The following DLC1 variants were observed in gnomAD, a reference collection of about 807,000 sequenced individuals.
DLC1 encodes rho GTPase-activating protein 7.
In DLC1, 54 loss-of-function variants were observed where a neutral mutation model predicts 140.3. The observed-to-expected ratio is 0.38, with a 90% CI of 0.31 to 0.48. The LOEUF (loss-of-function observed/expected upper bound fraction) is 0.48. Ranked by LOEUF, DLC1 falls within the 20% of genes least tolerant of loss-of-function variation. The pLI is 0.96. For synonymous variants in DLC1, 986 were observed against 728.1 expected (o/e 1.35, Z -5.70); for missense variants, 2,536 against 1,907.0 (o/e 1.33, Z -6.14).
intron 1 of DLC1, among the ~76,000 whole-genome samples, chr8:13,545,754 A>G (rs1176864256): frequency 6.6e-6 from 1 of 152,156 alleles, no homozygotes; most frequent in African/African-American, 2.4e-5. Context: ...GTTGAAAAAA[A>G]CAAGACTTTC....
rs187157511 is a variant in DLC1 at position 13,567,647 on chromosome 8, A to C, written c.-126+36890T>G. On this transcript the variant is annotated intron_variant, in intron 1 of 1. Transcript: ENST00000631382. The stretch of plus-strand genomic sequence containing the variant: ...CTGTCTGCCTTTCTGAAACAAAAGA[A>C]GACTTTACTGGAGTCATTTCTACTC... 881 of 1,551,694 alleles carry C rather than the reference A, an allele frequency of 5.7e-4. 2 individuals carry two copies. The highest frequency in any genetic ancestry group is 1.5e-3 in the Middle Eastern group (9 of 5,992).
intron 2 of DLC1, among the ~76,000 whole-genome samples, chr8:13,448,334 A>G (rs981978088): frequency 6.6e-6 from 1 of 150,538 alleles, no homozygotes; most frequent in Non-Finnish European, 1.5e-5. Flanking sequence ...TCTTTGCTGT[A>G]TCTTTTAAAA....
intron 5 of DLC1, among the ~76,000 whole-genome samples, chr8:13,130,254 C>A (rs1002979636): frequency 3.3e-5 from 5 of 152,210 alleles, no homozygotes; most frequent in African/African-American, 1.2e-4. Context: ...TCTCACCAAG[C>A]CTCTGATTGG....
upstream of DLC1, among the ~76,000 whole-genome samples, chr8:13,515,849 G>A (rs768590820): frequency 1.6e-4 from 25 of 152,140 alleles, no homozygotes; most frequent in Non-Finnish European, 3.5e-4. Context: ...ATGTTAGCTC[G>A]TCTTATAATA....
At chr8:13,345,063 C>T (rs780923709) in intron 4 of DLC1, among the ~76,000 whole-genome samples, 14 of 151,916 alleles carry the variant, frequency 9.2e-5, no homozygotes, top group Non-Finnish European at 2.1e-4. Context: ...AGGGTGAGTC[C>T]CTTCCCTGGC....
chr8:13,199,420 G>A (rs538255685), intron 5 of DLC1, among the ~76,000 whole-genome samples: 9 of 151,978 alleles, frequency 5.9e-5, no homozygotes, highest in African/African-American at 2.2e-4. Flanking sequence ...CAGGCCTCAC[G>A]CAATCCTCCC....
At chr8:13,349,442 G>T (rs73203958) in intron 4 of DLC1, among the ~76,000 whole-genome samples, 5,344 of 152,200 alleles carry the variant, frequency 0.035, 140 homozygotes, top group South Asian at 0.097. Flanking sequence ...GGAAGCAAAG[G>T]TAACAGGAAG....
chr8:13,145,617 C>G (rs1391272928), intron 5 of DLC1, among the ~76,000 whole-genome samples: 1 of 152,104 alleles, frequency 6.6e-6, no homozygotes, highest in African/African-American at 2.4e-5. Flanking sequence ...TGGAAATAAT[C>G]CAAATGTCCA....
intron 1 of DLC1, among the ~76,000 whole-genome samples, chr8:13,574,627 G>C (rs9886568): frequency 0.15 from 23,001 of 151,950 alleles, 1,992 homozygotes; most frequent in African/African-American, 0.23. Context: ...ATACATAATA[G>C]AAATATTTAT....
chr8:13,109,441 C>T (rs886771569), intron 7 of DLC1, among the ~76,000 whole-genome samples: 6 of 152,026 alleles, frequency 3.9e-5, no homozygotes, highest in African/African-American at 1.4e-4. Flanking sequence ...CCTGCAGTCC[C>T]AGCTACTCCA....
At chr8:13,566,686 C>T (rs994651439) in intron 1 of DLC1, among the ~76,000 whole-genome samples, 1 of 152,232 alleles carries the variant, frequency 6.6e-6, no homozygotes, top group African/African-American at 2.4e-5. Context: ...GTTGACTACT[C>T]GACTTTAGCA....
At chr8:13,405,908 T>TTTCTC (rs1837509694) in intron 2 of DLC1, among the ~76,000 whole-genome samples, 1 of 135,848 alleles carries the variant, frequency 7.4e-6, no homozygotes, top group African/African-American at 2.8e-5. Flanking sequence ...TTTTTCTTTC[T>TTTCTC]TTCTTTTCTT....
intron 2 of DLC1, among the ~76,000 whole-genome samples, chr8:13,478,323 A>G (rs1563382069): frequency 6.6e-6 from 1 of 152,170 alleles, no homozygotes; most frequent in East Asian, 1.9e-4. Flanking sequence ...CTCACTCACT[A>G]TCACCAAGGC....
intron 1 of DLC1, among the ~76,000 whole-genome samples, chr8:13,587,349 C>T (rs1805358546): frequency 1.3e-5 from 2 of 151,860 alleles, no homozygotes; most frequent in Admixed American, 1.3e-4. Flanking sequence ...ATTTTCACCT[C>T]CTCCATCTGG....
At chr8:13,404,372 T>C (rs940213386) in intron 2 of DLC1, among the ~76,000 whole-genome samples, 15 of 152,092 alleles carry the variant, frequency 9.9e-5, no homozygotes, top group Admixed American at 2.6e-4. Flanking sequence ...TGTGCATAAT[T>C]GGCCCGTTCG....
chr8:13,151,875 A>T (rs541478936), intron 5 of DLC1, among the ~76,000 whole-genome samples: 27 of 152,160 alleles, frequency 1.8e-4, no homozygotes, highest in Admixed American at 3.3e-4. Flanking sequence ...TATTTTTTTT[A>T]AAAAAAGAAA....
At chr8:13,152,544 A>G (rs193042576) in intron 5 of DLC1, among the ~76,000 whole-genome samples, 2 of 152,310 alleles carry the variant, frequency 1.3e-5, no homozygotes, top group Admixed American at 1.3e-4. Context: ...TGCTAATGCC[A>G]TTCAAATATA....
chr8:13,361,702 A>G (rs1835235332), intron 4 of DLC1, among the ~76,000 whole-genome samples: 2 of 152,214 alleles, frequency 1.3e-5, no homozygotes, highest in Non-Finnish European at 2.9e-5. Context: ...GATATTTATG[A>G]ACTTTTAGAC....
At chr8:13,502,803 T>C (rs75253675) in intron 1 of DLC1, among the ~76,000 whole-genome samples, 2 of 152,220 alleles carry the variant, frequency 1.3e-5, no homozygotes, top group African/African-American at 2.4e-5. Context: ...TCATTCAGAA[T>C]GAGCTCAGTT....
Sources: allele counts gnomAD v4.1 joint callset (sites outside exome capture counted in the v4.1 genomes callset), GRCh38; gene constraint gnomAD v4.1.1; transcripts MANE v1.5; gene names NCBI Gene and HGNC (gene_info 2026-07-23, HGNC 2026-07-21).